MAML3: variants seen among roughly 807,000 people sequenced by gnomAD.
MAML3 encodes mastermind-like protein 3.
In MAML3, 27 loss-of-function variants were observed where a neutral mutation model predicts 101.9. That is an observed-to-expected ratio of 0.27 (90% CI 0.20 to 0.37). MAML3 has a LOEUF of 0.37. MAML3 is among the 10% of genes least tolerant of loss of function. MAML3 has a pLI of 1.00. For missense variants in MAML3, 1,316 were observed against 1,444.9 expected (o/e 0.91, Z 1.45); for synonymous variants, 501 against 555.9 (o/e 0.90, Z 1.39).
chr4:139,892,191 A>C (rs1484774578), intron 1 of MAML3, among the ~76,000 whole-genome samples: 2 of 152,186 alleles, frequency 1.3e-5, no homozygotes, highest in South Asian at 4.1e-4. Flanking sequence ...AGCTCCACTA[A>C]ATCCAATGTT....
intron 1 of MAML3, among the ~76,000 whole-genome samples, chr4:140,092,492 C>T (rs1465291259): frequency 6.6e-6 from 1 of 152,078 alleles, no homozygotes; most frequent in African/African-American, 2.4e-5. Context: ...CCTTTAAAAC[C>T]GAGAACAAAC....
At chr4:140,106,288 G>A (rs1046461616) in intron 1 of MAML3, among the ~76,000 whole-genome samples, 2 of 152,038 alleles carry the variant, frequency 1.3e-5, no homozygotes, top group Non-Finnish European at 2.9e-5. Flanking sequence ...ATTAGCCCTG[G>A]TTGTCACAGA....
intron 1 of MAML3, among the ~76,000 whole-genome samples, chr4:140,151,071 C>A (rs1447927273): frequency 6.6e-6 from 1 of 152,098 alleles, no homozygotes; most frequent in Non-Finnish European, 1.5e-5. Flanking sequence ...GGGCGCAGCA[C>A]CCCTCCCAGC....
At chr4:139,976,166 C>T (rs1357526434) in intron 1 of MAML3, among the ~76,000 whole-genome samples, 1 of 152,210 alleles carries the variant, frequency 6.6e-6, no homozygotes, top group African/African-American at 2.4e-5. Flanking sequence ...CTGGGCAAAG[C>T]CTCCCACATT....
At chr4:140,104,050 A>G (rs28594384) in intron 1 of MAML3, among the ~76,000 whole-genome samples, 2,990 of 152,012 alleles carry the variant, frequency 0.02, 82 homozygotes, top group African/African-American at 0.065. Flanking sequence ...ACATCATATC[A>G]CTCACTTCTG....
chr4:140,066,159 A>T (rs1218316285), intron 1 of MAML3, among the ~76,000 whole-genome samples: 1 of 152,236 alleles, frequency 6.6e-6, no homozygotes, highest in African/African-American at 2.4e-5. Flanking sequence ...TTGCTTTTCA[A>T]AACTGGTGTG....
At chr4:140,036,685 T>C (rs890893866) in intron 1 of MAML3, among the ~76,000 whole-genome samples, 13 of 152,326 alleles carry the variant, frequency 8.5e-5, no homozygotes, top group Middle Eastern at 3.4e-3. Flanking sequence ...AGCCCTCCTT[T>C]TCCCATTCCA....
chr4:140,145,904 A>T (rs1172344778), intron 1 of MAML3, among the ~76,000 whole-genome samples: 363 of 20,698 alleles, frequency 0.018, no homozygotes, highest in Non-Finnish European at 0.024. Flanking sequence ...AAGGATTTTT[A>T]CTCTTGTTGC....
chr4:139,889,330 C>T (rs759747492), intron 2 of MAML3, 27 bp downstream of exon 2: 31 of 1,613,930 alleles, frequency 1.9e-5, no homozygotes, highest in African/African-American at 2.7e-5. Context: ...AAGAACTGCT[C>T]GAAGAGTGTG....
At chr4:139,808,750 A>T (rs1383885676) in intron 2 of MAML3, among the ~76,000 whole-genome samples, 1 of 152,132 alleles carries the variant, frequency 6.6e-6, no homozygotes. Context: ...CCTCAATCTC[A>T]AAGAGAAGGA....
At chr4:139,987,530 G>A (rs917744646) in intron 1 of MAML3, among the ~76,000 whole-genome samples, 1 of 152,110 alleles carries the variant, frequency 6.6e-6, no homozygotes, top group African/African-American at 2.4e-5. Context: ...CAGCCTCTCT[G>A]TGTTTCTAGC....
In MAML3 at chr4:139,889,857, G is replaced by A; in HGVS notation, c.1579C>T (p.Pro527Ser). ...TCTGCAGTAAAAGCTGCTCCATATG[G>A]ACTAGAGGGAGGTCCTAAGGGAGAC... The part of the protein sequence containing the change: ...NWSPLGPPSS[P>S]YGAAFTAEKP... The change falls in exon 2 of 5, where the codon CCA (proline) becomes TCA (serine). Residue 527 changes from proline (P) to serine (S), a missense_variant. By Grantham distance (74) the Pro-to-Ser change is moderately conservative. Coordinates refer to ENST00000509479, the MANE Select transcript of MAML3 (RefSeq NM_018717.5). 1 of 1,613,714 alleles carries A rather than the reference G, an allele frequency of 6.2e-7. No homozygotes were observed. Among genetic ancestry groups the A allele is most frequent in the Non-Finnish European group, 8.5e-7 (1 of 1,179,866 alleles).
intron 3 of MAML3, among the ~76,000 whole-genome samples, chr4:139,727,781 A>G (rs1208361015): frequency 6.6e-6 from 1 of 152,152 alleles, no homozygotes; most frequent in Non-Finnish European, 1.5e-5. Context: ...AATATGTAAG[A>G]TCCCAAATCC....
chr4:139,800,004 A>T (rs1376292921), intron 2 of MAML3, among the ~76,000 whole-genome samples: 1 of 152,228 alleles, frequency 6.6e-6, no homozygotes, highest in Non-Finnish European at 1.5e-5. Flanking sequence ...AAATCTTTGC[A>T]TGAAACAAAA....
chr4:139,884,848 A>G (rs1732294964), intron 2 of MAML3, among the ~76,000 whole-genome samples: 1 of 152,246 alleles, frequency 6.6e-6, no homozygotes, highest in South Asian at 2.1e-4. Context: ...ATCACCATCA[A>G]ATGATTTATT....
chr4:139,983,679 G>T (rs750292303), intron 1 of MAML3, among the ~76,000 whole-genome samples: 21 of 152,144 alleles, frequency 1.4e-4, no homozygotes, highest in Non-Finnish European at 2.6e-4. Flanking sequence ...CAGATTTTTG[G>T]ATTTGGGGTG....
intron 1 of MAML3, among the ~76,000 whole-genome samples, chr4:139,956,042 C>T (rs185523036): frequency 6.6e-6 from 1 of 152,192 alleles, no homozygotes; most frequent in Admixed American, 6.5e-5. Flanking sequence ...CACAACCTTA[C>T]CTTTTCTAAT....
At chr4:140,071,094 CTCCT>C (rs2110953390) in intron 1 of MAML3, among the ~76,000 whole-genome samples, 2 of 152,336 alleles carry the variant, frequency 1.3e-5, no homozygotes, top group South Asian at 4.1e-4. Context: ...CTTCTGAAGC[CTCCT>C]TTGTCTATCG....
intron 2 of MAML3, among the ~76,000 whole-genome samples, chr4:139,844,268 AGT>A (rs1408634823): frequency 6.6e-6 from 1 of 152,240 alleles, no homozygotes; most frequent in East Asian, 1.9e-4. Flanking sequence ...TGCAATAATG[AGT>A]AGTTGCCTAA....
Sources: gnomAD v4.1 joint callset for allele counts (sites outside exome capture counted in the v4.1 genomes callset) on GRCh38, gnomAD v4.1.1 for gene constraint, MANE v1.5 for transcripts, NCBI Gene and HGNC (gene_info 2026-07-23, HGNC 2026-07-21) for gene names.